The following TAX1BP1 variants were observed in gnomAD, a reference collection of about 807,000 sequenced individuals.
The protein encoded by TAX1BP1 is Tax1 binding protein 1.
A neutral mutation model predicts 97.7 loss-of-function variants in TAX1BP1; 62 were observed. The ratio of observed to expected loss-of-function variants is 0.63; its 90% CI spans 0.52 to 0.78. The LOEUF is 0.78. Among genes scored for constraint, TAX1BP1 ranks in the 30% least tolerant of loss-of-function variants. TAX1BP1 has a pLI of 0.00. For missense variants in TAX1BP1, 867 were observed against 916.1 expected (o/e 0.95, Z 0.69); for synonymous variants, 340 against 304.2 (o/e 1.12, Z -1.23).
chr7:27,794,401 G>A lies in TAX1BP1; in HGVS notation c.1489G>A (p.Ala497Thr), dbSNP rs758745080. Residue 497 changes from alanine to threonine, a missense_variant, in exon 11 of 17, where the codon GCC (alanine) becomes ACC (threonine). Transcript: ENST00000396319. The part of the protein sequence containing the change: ...VNDASVNTDP[A>T]TSASTVDVKP... Reference sequence around the variant, plus strand: ...TGATGCTTCAGTAAACACAGACCCAGCCACTTCTGCCTCTACTGTAGATGT... The same window carrying A: ...TGATGCTTCAGTAAACACAGACCCAACCACTTCTGCCTCTACTGTAGATGT... 6 of 1,612,882 alleles carry A rather than the reference G, an allele frequency of 3.7e-6. No individual in the cohort carries two copies. The highest frequency in any genetic ancestry group is 1.7e-5 in the Admixed American group (1 of 59,930).
In TAX1BP1 at chr7:27,796,096, T is replaced by TATATTCTG. The variant is rs749471298; in HGVS notation, c.1535-19_1535-12dup. 18 of 1,587,580 alleles carry TATATTCTG rather than the reference T, an allele frequency of 1.1e-5. No individual in the cohort carries two copies. Among genetic ancestry groups the TATATTCTG allele is most frequent in the Non-Finnish European group, 1.5e-5 (17 of 1,161,820 alleles). ...GGGGCAAAATACTTTTTAACAGTCT[T>TATATTCTG]ATATTCTGCCTTTCTACAGCAGAGG... On this transcript the variant is annotated intron_variant, in intron 11 of 16. Coordinates refer to ENST00000396319, the MANE Select transcript of TAX1BP1 (RefSeq NM_006024.7).
At chr7:27,740,760 C>T (rs1787553156) in intron 1 of TAX1BP1, among the ~76,000 whole-genome samples, 1 of 152,170 alleles carries the variant, frequency 6.6e-6, no homozygotes, top group Non-Finnish European at 1.5e-5. Flanking sequence ...GAGAGAAACC[C>T]AGCTGTTTTG....
At position 27,758,115 on chromosome 7, in the gene TAX1BP1, T is replaced by G; in HGVS notation, c.247T>G (p.Cys83Gly). Residue 83 changes from cysteine to glycine, a missense_variant, in exon 3 of 17, where the codon TGT (cysteine) becomes GGT (glycine). By Grantham distance (159) the Cys-to-Gly change is radical. Transcript: ENST00000396319. ...TTATGTGGAAGGATCAACAGTCAAT[T>G]GTGTACTAGCATTCCAAGGTAAGGA... ...EHYVEGSTVN[C>G]VLAFQGYYLP... 6.2e-7 allele frequency: 1 copy of G among 1,611,016 alleles called. No homozygotes were observed. Among genetic ancestry groups the G allele is most frequent in the East Asian group, 2.2e-5 (1 of 44,720 alleles).
chr7:27,807,391 T>C (rs117595360), intron 13 of TAX1BP1, among the ~76,000 whole-genome samples: 2 of 152,204 alleles, frequency 1.3e-5, no homozygotes, highest in Admixed American at 6.5e-5. Flanking sequence ...TGATCATACA[T>C]TGCATTTAGT....
chr7:27,823,666 A>G (rs1009230370), intron 15 of TAX1BP1, among the ~76,000 whole-genome samples: 1 of 152,158 alleles, frequency 6.6e-6, no homozygotes, highest in Admixed American at 6.5e-5. Context: ...CATCTTAGCC[A>G]TTTTTAAGCA....
intron 8 of TAX1BP1, among the ~76,000 whole-genome samples, chr7:27,791,684 G>T (rs1789713587): frequency 6.6e-6 from 1 of 152,172 alleles, no homozygotes; most frequent in Non-Finnish European, 1.5e-5. Flanking sequence ...TCTAGCTGAA[G>T]AGATTCTGGG....
chr7:27,765,163 A>G (rs1457405333), intron 3 of TAX1BP1, among the ~76,000 whole-genome samples: 1 of 147,368 alleles, frequency 6.8e-6, no homozygotes, highest in East Asian at 2.1e-4. Flanking sequence ...CTGCAGGTAC[A>G]TGCCATCACA....
At position 27,829,348 on chromosome 7, in the gene TAX1BP1, CATGTAGA is replaced by C. The variant is rs1419806355; in HGVS notation, c.*523_*529del. The stretch of plus-strand genomic sequence containing the variant: ...TTTTTAATTTTCAGAAATGGAGCTG[CATGTAGA>C]ATGAGATCACATGCTTTTATATGTG... On this transcript the variant is annotated 3_prime_UTR_variant, in exon 17 of 17. Transcript: ENST00000396319. The C allele has an allele frequency of 6.6e-6, 1 of 152,166 alleles. No homozygotes were observed. Among genetic ancestry groups the C allele is most frequent in the Non-Finnish European group, 1.5e-5 (1 of 68,044 alleles). 9.4% of individuals were successfully genotyped at this position (152,166 alleles called of 1,614,324 possible). A position where few individuals can be genotyped will look rare whatever the true frequency, so the allele number is the denominator to read the frequency against.
At chr7:27,740,707 A>T (rs775149515) in intron 1 of TAX1BP1, among the ~76,000 whole-genome samples, 4 of 152,196 alleles carry the variant, frequency 2.6e-5, no homozygotes, top group Admixed American at 6.5e-5. Flanking sequence ...CTGAGAAAAC[A>T]CGTAGGTCGC....
Position 27,793,084 on chromosome 7 carries a change from G to C in TAX1BP1, c.1282G>C (p.Glu428Gln), listed in dbSNP as rs1277154073. 1.2e-6 allele frequency: 2 copies of C among 1,600,542 alleles called. No individual in the cohort carries two copies. Among genetic ancestry groups the C allele is most frequent in the Non-Finnish European group, 1.7e-6 (2 of 1,176,966 alleles). ...TTTCTAGGACAAGACTGATACACTG[G>C]AACACGAACTAAGAAGAGAAGTTGA... The part of the protein sequence containing the change: ...KKDQDKTDTL[E>Q]HELRREVEDL... The change falls in exon 10 of 17, where the codon GAA (glutamate) becomes CAA (glutamine). Residue 428 changes from glutamate to glutamine, a missense_variant. Glu to Gln is a conservative substitution (Grantham distance 29). This residue lies in a region of TAX1BP1 where 822 missense variants were observed against 851.4 expected (regional missense o/e 0.97). Coordinates refer to ENST00000396319, the MANE Select transcript of TAX1BP1 (RefSeq NM_006024.7).
rs1463257724 is a variant in TAX1BP1, at chr7:27,811,157, A to G, written c.1765-5192A>G. On this transcript the variant is annotated intron_variant, in intron 13 of 16. Coordinates refer to ENST00000396319, the MANE Select transcript of TAX1BP1 (RefSeq NM_006024.7). ...TTACATAATAGATGGTGTGCTAGGT[A>G]TCTTGAAAGAGTATTTTCCTTTTTT... 2.6e-5 allele frequency among the ~76,000 whole-genome samples: 4 copies of G among 152,168 alleles called. No homozygotes were observed. In the East Asian group the frequency reaches 5.8e-4, roughly 22 times the overall value.
At chr7:27,796,833 C>G (rs1280367186) in intron 12 of TAX1BP1, among the ~76,000 whole-genome samples, 1 of 151,324 alleles carries the variant, frequency 6.6e-6, no homozygotes, top group Non-Finnish European at 1.5e-5. Context: ...GTACTCCAGC[C>G]TAGGCAACAG....
At chr7:27,813,103 C>T (rs563613941) in intron 13 of TAX1BP1, among the ~76,000 whole-genome samples, 3 of 148,998 alleles carry the variant, frequency 2.0e-5, no homozygotes, top group East Asian at 3.9e-4. Flanking sequence ...CTTTATAATA[C>T]GTCTTGAAAT....
intron 3 of TAX1BP1, among the ~76,000 whole-genome samples, chr7:27,763,629 G>A (rs1353459932): frequency 2.0e-5 from 3 of 152,262 alleles, no homozygotes; most frequent in South Asian, 2.1e-4. Flanking sequence ...TTCGCTGGGC[G>A]TGATGGCGTG....
intron 15 of TAX1BP1, among the ~76,000 whole-genome samples, chr7:27,822,078 A>G (rs189294773): frequency 6.6e-6 from 1 of 152,318 alleles, no homozygotes; most frequent in East Asian, 1.9e-4. Context: ...GAGTGCTGAC[A>G]TGATACTCAA....
Position 27,792,065 on chromosome 7 carries a change from T to G in TAX1BP1, c.1098T>G (p.Thr366=). 6.2e-7 allele frequency: 1 copy of G among 1,614,134 alleles called. No individual in the cohort carries two copies. Among genetic ancestry groups the G allele is most frequent in the Non-Finnish European group, 8.5e-7 (1 of 1,180,038 alleles). ...LRKAEEQVQA[T]RQEVVFLAKE... ...AAGCAGAGGAACAGGTTCAGGCAAC[T>G]CGGCAAGAAGTTGTCTTTCTGGCTA... Residue 366 remains threonine, a synonymous_variant, in exon 9 of 17, where the codon ACT becomes ACG. Transcript: ENST00000396319.
chr7:27,793,148 A>T lies in TAX1BP1; in HGVS notation c.1346A>T (p.Tyr449Phe). 1 of 1,597,832 alleles carries T rather than the reference A, an allele frequency of 6.3e-7. No homozygotes were observed. Residue 449 changes from tyrosine (Y) to phenylalanine (F), a missense_variant, in exon 10 of 17, where the codon TAT (tyrosine) becomes TTT (phenylalanine). This residue lies in a region of TAX1BP1 where 822 missense variants were observed against 851.4 expected (regional missense o/e 0.97). Coordinates refer to ENST00000396319, the MANE Select transcript of TAX1BP1 (RefSeq NM_006024.7). ...CGTCTTCAGATGGCTGCAGACCATT[A>T]TAAAGAAAAATTTAAGGAATGCCAA... ...KLRLQMAADHYKEKFKECQRL... is the reference protein window; with the variant it reads ...KLRLQMAADHFKEKFKECQRL...
chr7:27,814,055 C>CA (rs1790666070), intron 13 of TAX1BP1, among the ~76,000 whole-genome samples: 1 of 150,214 alleles, frequency 6.7e-6, no homozygotes, highest in East Asian at 2.0e-4. Flanking sequence ...CTCGGCCTCC[C>CA]AAAGTGCTGG....
intron 2 of TAX1BP1, among the ~76,000 whole-genome samples, chr7:27,751,678 A>G (rs1293519087): frequency 6.6e-6 from 1 of 152,198 alleles, no homozygotes; most frequent in African/African-American, 2.4e-5. Context: ...TGATTTTGAT[A>G]GACACCATAT....
Sources: gnomAD v4.1 joint callset for allele counts (sites outside exome capture counted in the v4.1 genomes callset) on GRCh38, gnomAD v4.1.1 for gene constraint, gnomAD v4.1.1 regional missense constraint, MANE v1.5 for transcripts, NCBI Gene and HGNC (gene_info 2026-07-23, HGNC 2026-07-21) for gene names.